TBC1D5: variants seen among roughly 807,000 people sequenced by gnomAD.
The protein encoded by TBC1D5 is TBC1 domain family member 5.
A neutral mutation model predicts 100.3 loss-of-function variants in TBC1D5; 75 were observed. That is an observed-to-expected ratio of 0.75 (90% CI 0.62 to 0.91). TBC1D5 has a LOEUF of 0.91. Among genes scored for constraint, TBC1D5 ranks in the 40% least tolerant of loss-of-function variants. The pLI, the probability that TBC1D5 is intolerant of heterozygous loss-of-function variation, is 0.00. For missense variants in TBC1D5, 910 were observed against 942.4 expected, an observed-to-expected ratio of 0.97 and a Z score of 0.45; for synonymous variants, 323 against 325.6, an observed-to-expected ratio of 0.99 and a Z score of 0.09.
At chr3:17,474,484 T>C (rs567714512) in intron 3 of TBC1D5, among the ~76,000 whole-genome samples, 2 of 152,088 alleles carry the variant, frequency 1.3e-5, no homozygotes, top group East Asian at 1.9e-4. Flanking sequence ...TTAGCAATAT[T>C]TGAAAGAAGG....
chr3:17,230,955 C>T (rs918269030), intron 17 of TBC1D5, among the ~76,000 whole-genome samples: 7 of 152,046 alleles, frequency 4.6e-5, no homozygotes, highest in Non-Finnish European at 1.0e-4. Flanking sequence ...AATGTAAATG[C>T]TACGTAAATG....
exon 22 of TBC1D5, chr3:17,161,097 C>A: frequency 1.2e-6 from 2 of 1,614,224 alleles, no homozygotes; most frequent in Non-Finnish European, 1.7e-6. Flanking sequence ...GGGGAGCAGA[C>A]TGGGGCCTGG....
intron 19 of TBC1D5, among the ~76,000 whole-genome samples, chr3:17,178,111 G>C (rs2068007693): frequency 7.0e-6 from 1 of 143,574 alleles, no homozygotes; most frequent in Non-Finnish European, 1.5e-5. Flanking sequence ...TGTCGCCCAG[G>C]CTGGAGTGCA....
At chr3:17,376,605 G>T in exon 10 of TBC1D5, 1 of 1,610,580 alleles carries the variant, frequency 6.2e-7, no homozygotes, top group Non-Finnish European at 8.5e-7. Context: ...CTAACAGTTC[G>T]TGCATGCCCT....
intron 19 of TBC1D5, among the ~76,000 whole-genome samples, chr3:17,180,726 T>C (rs917731690): frequency 2.6e-5 from 4 of 151,966 alleles, no homozygotes; most frequent in Admixed American, 1.3e-4. Flanking sequence ...ATAATGTGTA[T>C]ATATGGACAT....
intron 1 of TBC1D5, among the ~76,000 whole-genome samples, chr3:17,695,208 G>C (rs11712168): frequency 0.59 from 89,546 of 151,948 alleles, 27,061 homozygotes; most frequent in East Asian, 0.99. Context: ...AAATAACCAG[G>C]GAACATCATA....
At chr3:17,258,526 T>C in exon 16 of TBC1D5, 1 of 1,613,012 alleles carries the variant, frequency 6.2e-7, no homozygotes, top group Non-Finnish European at 8.5e-7. Flanking sequence ...TCATGAGGTC[T>C]GCTCCTCGTG....
At chr3:17,498,840 C>T (rs1301564861) in intron 3 of TBC1D5, among the ~76,000 whole-genome samples, 1 of 151,828 alleles carries the variant, frequency 6.6e-6, no homozygotes, top group African/African-American at 2.4e-5. Flanking sequence ...AACTCAAGTA[C>T]ATGTAAGGAG....
intron 19 of TBC1D5, among the ~76,000 whole-genome samples, chr3:17,182,352 G>A (rs2068547831): frequency 1.3e-5 from 2 of 152,186 alleles, no homozygotes; most frequent in African/African-American, 4.8e-5. Flanking sequence ...TAGTTTTGTG[G>A]TTAGCTGAAA....
intron 3 of TBC1D5, among the ~76,000 whole-genome samples, chr3:17,436,806 A>T (rs1456712818): frequency 6.6e-6 from 1 of 152,222 alleles, no homozygotes; most frequent in East Asian, 1.9e-4. Context: ...AGTACATAGT[A>T]TTACACATAT....
chr3:17,640,770 A>C (rs996411861), intron 1 of TBC1D5, among the ~76,000 whole-genome samples: 19 of 152,122 alleles, frequency 1.2e-4, no homozygotes, highest in African/African-American at 4.1e-4. Context: ...CAGAAAAGAA[A>C]TAACTTGAAA....
intron 2 of TBC1D5, among the ~76,000 whole-genome samples, chr3:17,604,907 C>T (rs902218872): frequency 1.3e-5 from 2 of 152,078 alleles, no homozygotes; most frequent in Non-Finnish European, 2.9e-5. Flanking sequence ...AACTCCGGGC[C>T]TCAAGCGATC....
intron 19 of TBC1D5, among the ~76,000 whole-genome samples, chr3:17,180,916 C>CAAAAAA (rs76797012): frequency 2.4e-4 from 23 of 96,082 alleles, no homozygotes; most frequent in Non-Finnish European, 3.3e-4. Context: ...ACATTTACAC[C>CAAAAAA]AAAAAAAAAA....
intron 3 of TBC1D5, among the ~76,000 whole-genome samples, chr3:17,455,276 G>T (rs1205517231): frequency 2.1e-5 from 3 of 142,982 alleles, no homozygotes; most frequent in African/African-American, 8.0e-5. Flanking sequence ...ATACATATAT[G>T]TGTGTATATA....
intron 8 of TBC1D5, among the ~76,000 whole-genome samples, chr3:17,389,704 G>A (rs995849745): frequency 5.3e-5 from 8 of 152,096 alleles, no homozygotes; most frequent in African/African-American, 1.9e-4. Context: ...ACTGAGCCCT[G>A]CTCAAGTTGT....
At chr3:17,396,593 A>C (rs1228997293) in intron 8 of TBC1D5, among the ~76,000 whole-genome samples, 1 of 152,102 alleles carries the variant, frequency 6.6e-6, no homozygotes, top group Non-Finnish European at 1.5e-5. Context: ...ATTAAAAAAA[A>C]AAATCAATAA....
chr3:17,685,732 T>C (rs1467877335), intron 1 of TBC1D5, among the ~76,000 whole-genome samples: 2 of 152,118 alleles, frequency 1.3e-5, no homozygotes, highest in South Asian at 4.1e-4. Flanking sequence ...TATATCTTTC[T>C]CTAACATATT....
chr3:17,389,232 T>C (rs944422213), intron 8 of TBC1D5, among the ~76,000 whole-genome samples: 1 of 152,134 alleles, frequency 6.6e-6, no homozygotes. Context: ...TCCTACAAAC[T>C]GGCAGTTAGA....
chr3:17,392,045 T>A (rs1033936331), intron 8 of TBC1D5, among the ~76,000 whole-genome samples: 1 of 152,050 alleles, frequency 6.6e-6, no homozygotes, highest in Non-Finnish European at 1.5e-5. Context: ...ATACCAACAT[T>A]AACACACTGC....
Sources: gnomAD v4.1 joint callset for allele counts (sites outside exome capture counted in the v4.1 genomes callset) on GRCh38, gnomAD v4.1.1 for gene constraint, MANE v1.5 for transcripts, NCBI Gene and HGNC (gene_info 2026-07-23, HGNC 2026-07-21) for gene names.